Variants in LRP1B observed in about 807,000 individuals in gnomAD.
The protein encoded by LRP1B is LDL receptor related protein 1B, also known as low-density lipoprotein receptor-related protein 1B.
A neutral mutation model predicts 556.6 loss-of-function variants in LRP1B; 217 were observed. That is an observed-to-expected ratio of 0.39 (90% CI 0.35 to 0.44). The LOEUF is 0.44. Among genes scored for constraint, LRP1B ranks in the 20% least tolerant of loss-of-function variants. The pLI is 1.00. For missense variants in LRP1B, 5,053 were observed against 5,620.8 expected (o/e 0.90, Z 3.23); for synonymous variants, 2,047 against 1,865.8 (o/e 1.10, Z -2.50).
chr2:140,428,998 G>A (rs1036895256), intron 66 of LRP1B, among the ~76,000 whole-genome samples: 12 of 151,920 alleles, frequency 7.9e-5, no homozygotes, highest in East Asian at 3.9e-4. Flanking sequence ...CCTCCTTTGC[G>A]TTCTCCTCTT....
At chr2:140,343,089 T>G (rs2105100120) in intron 77 of LRP1B, among the ~76,000 whole-genome samples, 1 of 151,264 alleles carries the variant, frequency 6.6e-6, no homozygotes, top group South Asian at 2.1e-4. Context: ...TTATGGAAAA[T>G]GAAACATTTT....
intron 2 of LRP1B, among the ~76,000 whole-genome samples, chr2:141,675,807 T>C (rs1690853992): frequency 6.6e-6 from 1 of 151,926 alleles, no homozygotes; most frequent in Non-Finnish European, 1.5e-5. Flanking sequence ...CTGATTCACT[T>C]TAATTATATT....
intron 7 of LRP1B, among the ~76,000 whole-genome samples, chr2:141,066,158 G>C (rs1239771152): frequency 6.6e-6 from 1 of 151,842 alleles, no homozygotes; most frequent in African/African-American, 2.4e-5. Flanking sequence ...GCTCACAAAA[G>C]AAAACATTTC....
intron 2 of LRP1B, among the ~76,000 whole-genome samples, chr2:141,480,753 C>G (rs1390167184): frequency 1.3e-5 from 2 of 152,032 alleles, no homozygotes; most frequent in African/African-American, 4.8e-5. Context: ...TTTCAAATAA[C>G]GCATTAAAAA....
intron 2 of LRP1B, among the ~76,000 whole-genome samples, chr2:141,622,279 A>G (rs1688532209): frequency 6.6e-6 from 1 of 152,204 alleles, no homozygotes; most frequent in African/African-American, 2.4e-5. Flanking sequence ...GAGAATTCAA[A>G]AATTCTACAT....
intron 66 of LRP1B, among the ~76,000 whole-genome samples, chr2:140,427,077 TAG>T (rs1453043811): frequency 6.6e-6 from 1 of 152,160 alleles, no homozygotes; most frequent in African/African-American, 2.4e-5. Flanking sequence ...CATTTTCTCG[TAG>T]AGACAAAGGA....
At chr2:140,573,695 G>GA (rs1681413985) in intron 43 of LRP1B, among the ~76,000 whole-genome samples, 1 of 151,898 alleles carries the variant, frequency 6.6e-6, no homozygotes, top group African/African-American at 2.4e-5. Flanking sequence ...AAAATTGACA[G>GA]AATCTACATG....
At chr2:140,866,154 T>G (rs772452815) in intron 27 of LRP1B, among the ~76,000 whole-genome samples, 1 of 152,038 alleles carries the variant, frequency 6.6e-6, no homozygotes, top group Non-Finnish European at 1.5e-5. Flanking sequence ...TGCCAAACAA[T>G]CTGAGGGACA....
intron 35 of LRP1B, among the ~76,000 whole-genome samples, chr2:140,750,079 TACACACACACACACACACAC>T (rs59747381): frequency 3.3e-5 from 5 of 150,606 alleles, no homozygotes; most frequent in East Asian, 2.0e-4. Context: ...TGTGCACACG[TACACACACACACACACACAC>T]ACACACACAC....
At chr2:141,050,246 A>T (rs1319392274) in intron 10 of LRP1B, among the ~76,000 whole-genome samples, 1 of 151,954 alleles carries the variant, frequency 6.6e-6, no homozygotes, top group Non-Finnish European at 1.5e-5. Context: ...AACAATACAA[A>T]GTATATTAAC....
intron 2 of LRP1B, among the ~76,000 whole-genome samples, chr2:141,738,070 C>A (rs1200953751): frequency 1.3e-5 from 2 of 152,128 alleles, no homozygotes; most frequent in African/African-American, 4.8e-5. Flanking sequence ...AAAAATTGTG[C>A]TGTGCACAAT....
rs533612246 is a variant in LRP1B, at chr2:140,678,240, G to A, written c.6799+22010C>T. Among the ~76,000 whole-genome samples, 8 of 152,236 alleles carry A rather than the reference G, an allele frequency of 5.3e-5. 1 individual carries two copies. Among genetic ancestry groups the A allele is most frequent in the East Asian group, 3.9e-4 (2 of 5,176 alleles). On this transcript the variant is annotated intron_variant, in intron 41 of 90. Coordinates refer to ENST00000389484, the MANE Select transcript of LRP1B (RefSeq NM_018557.3). Reference sequence around the variant, plus strand: ...AATGATGTGGACAGGTATGAAAGGCGTTTTAAGATGATGGTGAAGGAAATT... The same window carrying A: ...AATGATGTGGACAGGTATGAAAGGCATTTTAAGATGATGGTGAAGGAAATT...
chr2:141,104,765 A>C (rs576709377), intron 7 of LRP1B, among the ~76,000 whole-genome samples: 5 of 152,192 alleles, frequency 3.3e-5, no homozygotes, highest in African/African-American at 1.2e-4. Context: ...CTTCTGAATG[A>C]GAATGGTACT....
intron 11 of LRP1B, among the ~76,000 whole-genome samples, chr2:141,043,041 A>C: frequency 6.7e-6 from 1 of 149,298 alleles, no homozygotes; most frequent in Admixed American, 6.7e-5. Context: ...AAAATACAAA[A>C]AAAAAAAAAA....
intron 27 of LRP1B, among the ~76,000 whole-genome samples, chr2:140,860,481 A>G (rs1692755393): frequency 6.6e-6 from 1 of 152,236 alleles, no homozygotes; most frequent in Non-Finnish European, 1.5e-5. Flanking sequence ...CTTTGAAAGT[A>G]AACTAAAATG....
intron 1 of LRP1B, among the ~76,000 whole-genome samples, chr2:141,848,283 G>T (rs1340052708): frequency 2.0e-5 from 3 of 151,536 alleles, no homozygotes. Context: ...CTCCAGAGAA[G>T]TCCCTTGGAA....
At chr2:141,344,411 C>G (rs1449169743) in intron 3 of LRP1B, among the ~76,000 whole-genome samples, 2 of 151,962 alleles carry the variant, frequency 1.3e-5, no homozygotes, top group East Asian at 3.9e-4. Flanking sequence ...ACTAAGTAAG[C>G]TAGGCATGCT....
chr2:141,027,542 T>C (rs1242959612), intron 11 of LRP1B, among the ~76,000 whole-genome samples: 1 of 152,114 alleles, frequency 6.6e-6, no homozygotes, highest in Non-Finnish European at 1.5e-5. Context: ...ATAAGCTACA[T>C]GAGAAGGACA....
rs113481637 is a variant in LRP1B, at chr2:140,434,109, A to C, written c.10414+8395T>G. ...TTTTGAGATGGAATCTCACTCTGTC[A>C]CCCAGGCTGGAGTGTAGTGGTGCGA... On this transcript the variant is annotated intron_variant, in intron 66 of 90. Coordinates refer to ENST00000389484, the MANE Select transcript of LRP1B (RefSeq NM_018557.3). Among the ~76,000 whole-genome samples, 1,118 of 151,430 alleles carry C rather than the reference A, an allele frequency of 7.4e-3. 22 individuals are homozygous for C. Among genetic ancestry groups the C allele is most frequent in the African/African-American group, 0.024 (980 of 41,212 alleles).
Sources: allele counts gnomAD v4.1 joint callset (sites outside exome capture counted in the v4.1 genomes callset), GRCh38; gene constraint gnomAD v4.1.1; transcripts MANE v1.5; gene names NCBI Gene and HGNC (gene_info 2026-07-23, HGNC 2026-07-21).